LAPTM5: variants seen among roughly 807,000 people sequenced by gnomAD.
The protein encoded by LAPTM5 is lysosomal protein transmembrane 5.
LAPTM5 carries 11 observed loss-of-function variants against 30.1 expected under a neutral mutation model. The ratio of observed to expected loss-of-function variants is 0.37; its 90% CI spans 0.23 to 0.60. LAPTM5 has a LOEUF of 0.60. Ranked by LOEUF, LAPTM5 falls within the 20% of genes least tolerant of loss-of-function variation. The pLI is 0.71. For synonymous variants in LAPTM5, 151 were observed against 137.9 expected, an observed-to-expected ratio of 1.10 and a Z score of -0.67; for missense variants, 324 against 332.5, an observed-to-expected ratio of 0.97 and a Z score of 0.20.
At chr1:30,751,689 G>A (rs4409706) in intron 1 of LAPTM5, among the ~76,000 whole-genome samples, 41,729 of 152,040 alleles carry the variant, frequency 0.27, 6,269 homozygotes, top group East Asian at 0.49. Context: ...CAGTGAGCCA[G>A]GATCACGCCA....
chr1:30,739,097 A>G lies in LAPTM5; in HGVS notation c.388-35T>C, dbSNP rs371510323. ...ACAAATACAAGGAGGAGGAATGAGG[A>G]GCAGCAATTAAAGTCCCAGTTACTG... On this transcript the variant is annotated intron_variant, in intron 4 of 7. Transcript: ENST00000294507. The surrounding 1 kb of genome is among the most constrained non-coding windows in gnomAD (Gnocchi z 4.2). 3.8e-6 allele frequency: 6 copies of G among 1,559,412 alleles called. No individual in the cohort carries two copies. In the African/African-American group the frequency reaches 6.8e-5, roughly 18 times the overall value.
chr1:30,751,984 C>T (rs567749480), intron 1 of LAPTM5, among the ~76,000 whole-genome samples: 1 of 152,282 alleles, frequency 6.6e-6, no homozygotes, highest in African/African-American at 2.4e-5. Context: ...AATCACTGCC[C>T]CCAAAGTGGA....
chr1:30,738,886 C>A, intron 5 of LAPTM5, 54 bp downstream of exon 5: 1 of 1,551,350 alleles, frequency 6.4e-7, no homozygotes, highest in South Asian at 1.2e-5. Context: ...GTGAAGTAAC[C>A]TGTTCAAGGC....
At chr1:30,752,771 AG>A (rs1640155890) in intron 1 of LAPTM5, among the ~76,000 whole-genome samples, 1 of 151,888 alleles carries the variant, frequency 6.6e-6, no homozygotes, top group African/African-American at 2.4e-5. Flanking sequence ...GCACGAGGTC[AG>A]GGCAATAGAG....
chr1:30,733,974 A>T, intron 7 of LAPTM5, 57 bp from the exon 8 acceptor site: 1 of 1,564,850 alleles, frequency 6.4e-7, no homozygotes, highest in South Asian at 1.2e-5. Context: ...TGCAATTCCA[A>T]CCTGGGGTCA....
At position 30,737,600 on chromosome 1, in the gene LAPTM5, T is replaced by C. The variant is rs962165434; in HGVS notation, c.606+4A>G. 10 of 1,608,142 alleles carry C rather than the reference T, an allele frequency of 6.2e-6. No homozygotes were observed. The African/African-American group carries it at 1.3e-4, about 22-fold the overall frequency. ...CCAGAGCCGCAGGGCAGGGATCCAC[T>C]CACCTTGAAGATAAGGACAGTGATG... is the stretch of plus-strand genomic sequence containing the variant. On this transcript the variant is annotated splice_donor_region_variant and intron_variant, in intron 6 of 7. Transcript: ENST00000294507.
At position 30,735,284 on chromosome 1, in the gene LAPTM5, C is replaced by A. The variant is rs774378981; in HGVS notation, c.607-19G>T. The A allele has an allele frequency of 6.2e-7, 1 of 1,609,748 alleles. No homozygotes were observed. The stretch of plus-strand genomic sequence containing the variant: ...TGTAGACCTGGAAAAAGGCCCAGGT[C>A]AGGCTGTGCTTTGCTGAGCGTCCTT... On this transcript the variant is annotated intron_variant, in intron 6 of 7. Transcript: ENST00000294507.
rs1470513233 is a variant in LAPTM5, at chr1:30,732,966, C to CA, written c.*861_*862insT. 6.6e-6 allele frequency: 1 copy of CA among 152,492 alleles called. No homozygotes were observed. Among genetic ancestry groups the CA allele is most frequent in the South Asian group, 2.1e-4 (1 of 4,856 alleles). The allele number at this position is 152,492 out of a possible 1,614,324, so 9.4% of individuals were successfully genotyped here. A position where few individuals can be genotyped will look rare whatever the true frequency, so the allele number is the denominator to read the frequency against. On this transcript the variant is annotated 3_prime_UTR_variant, in exon 8 of 8. Coordinates refer to ENST00000294507, the MANE Select transcript of LAPTM5 (RefSeq NM_006762.3). ...ATCCACTGTTATGCAGCCACACTGACCACAGAGCAACTGAATAGGTGAGCA... is the reference window on the plus strand; with the variant it reads ...ATCCACTGTTATGCAGCCACACTGACACACAGAGCAACTGAATAGGTGAGCA...
chr1:30,742,394 C>G (rs1639983107), intron 2 of LAPTM5, 62 bp downstream of exon 2: 1 of 1,215,186 alleles, frequency 8.2e-7, no homozygotes, highest in African/African-American at 1.5e-5. Flanking sequence ...CCTGGCTATC[C>G]CTGGCCAGGG....
At chr1:30,736,293 G>A (rs1639882643) in intron 6 of LAPTM5, among the ~76,000 whole-genome samples, 1 of 152,172 alleles carries the variant, frequency 6.6e-6, no homozygotes, top group South Asian at 2.1e-4. Context: ...GATGGAAGCA[G>A]GAGCTGGGGT....
chr1:30,737,788 C>A, intron 5 of LAPTM5, 89 bp from the exon 6 acceptor site: 1 of 833,140 alleles, frequency 1.2e-6, no homozygotes, highest in Admixed American at 2.0e-5. Flanking sequence ...ATCCCACCCT[C>A]CACACACACA....
intron 1 of LAPTM5, among the ~76,000 whole-genome samples, chr1:30,743,799 T>TTTTTC (rs1553127165): frequency 6.8e-6 from 1 of 146,432 alleles, no homozygotes. Flanking sequence ...GTGTGGGTTT[T>TTTTTC]TTTTTTTTTT....
In LAPTM5 at chr1:30,738,920, G is replaced by A. The variant is rs1267326813; in HGVS notation, c.510+20C>T. 4 of 1,591,466 alleles carry A rather than the reference G, an allele frequency of 2.5e-6. No homozygotes were observed. The highest frequency in any genetic ancestry group is 3.4e-6 in the Non-Finnish European group (4 of 1,168,666). On this transcript the variant is annotated intron_variant, in intron 5 of 7. Coordinates refer to ENST00000294507, the MANE Select transcript of LAPTM5 (RefSeq NM_006762.3). ...GCCACACAGCCAGCAAATGGGCATGGTTCCCTGCCCCAGACTCACCATGTG... is the reference window on the plus strand; with the variant it reads ...GCCACACAGCCAGCAAATGGGCATGATTCCCTGCCCCAGACTCACCATGTG...
intron 7 of LAPTM5, among the ~76,000 whole-genome samples, 182 bp downstream of exon 7, chr1:30,734,991 G>A (rs1639865930): frequency 6.6e-6 from 1 of 152,230 alleles, no homozygotes; most frequent in Admixed American, 6.5e-5. Flanking sequence ...AGTAAATACT[G>A]AATAAATGAA....
chr1:30,752,293 CT>C, intron 1 of LAPTM5, among the ~76,000 whole-genome samples: 1 of 152,342 alleles, frequency 6.6e-6, no homozygotes, highest in East Asian at 1.9e-4. Flanking sequence ...GTTTTCCCAT[CT>C]GCAAAATGAG....
intron 1 of LAPTM5, among the ~76,000 whole-genome samples, chr1:30,745,737 C>A (rs1408885275): frequency 6.6e-6 from 1 of 152,228 alleles, no homozygotes; most frequent in Non-Finnish European, 1.5e-5. Context: ...AAGCTCGGCT[C>A]TCCAGGCACC....
intron 1 of LAPTM5, among the ~76,000 whole-genome samples, chr1:30,749,285 A>G (rs1235297978): frequency 6.6e-6 from 1 of 152,220 alleles, no homozygotes; most frequent in Non-Finnish European, 1.5e-5. Context: ...GTAATTCTAC[A>G]GATGTATGTA....
At chr1:30,742,903 G>A (rs1414782878) in intron 1 of LAPTM5, among the ~76,000 whole-genome samples, 2 of 152,136 alleles carry the variant, frequency 1.3e-5, no homozygotes, top group Admixed American at 1.3e-4. Context: ...CCAGTTCTCA[G>A]GAAGAGTGGT....
intron 1 of LAPTM5, among the ~76,000 whole-genome samples, chr1:30,756,736 C>T (rs1191719370): frequency 6.6e-6 from 1 of 152,216 alleles, no homozygotes; most frequent in Non-Finnish European, 1.5e-5. Flanking sequence ...GCATGTGGAT[C>T]TAGGCTAATT....
Sources: allele counts gnomAD v4.1 joint callset (sites outside exome capture counted in the v4.1 genomes callset), GRCh38; gene constraint gnomAD v4.1.1; non-coding constraint Gnocchi (gnomAD v3.1); transcripts MANE v1.5; gene names NCBI Gene and HGNC (gene_info 2026-07-23, HGNC 2026-07-21).